The following GRIA4 variants were observed in gnomAD, a reference collection of about 807,000 sequenced individuals.
The protein encoded by GRIA4 is glutamate receptor 4.
A neutral mutation model predicts 104.0 loss-of-function variants in GRIA4; 34 were observed. That is an observed-to-expected ratio of 0.33 (90% CI 0.25 to 0.44). The LOEUF is 0.44. GRIA4 is among the 20% of genes least tolerant of loss of function. The pLI is 1.00. For synonymous variants in GRIA4, 386 were observed against 381.9 expected (o/e 1.01, Z -0.13); for missense variants, 750 against 1,096.5 (o/e 0.68, Z 4.46).
intron 6 of GRIA4, among the ~76,000 whole-genome samples, chr11:105,890,473 T>C (rs1946415655): frequency 1.3e-5 from 2 of 152,230 alleles, no homozygotes; most frequent in Admixed American, 1.3e-4. Flanking sequence ...GGCATTATTT[T>C]AAATTGTCTT....
At chr11:105,971,768 T>G (rs929403812) in intron 14 of GRIA4, 146 bp from the exon 15 acceptor site, 1 of 481,998 alleles carries the variant, frequency 2.1e-6, no homozygotes. Context: ...GTTTTATGTC[T>G]GATTCTAAAC....
In GRIA4 at chr11:105,623,053, GTATATATATATATATATATATA is replaced by G. The variant is rs58596312; in HGVS notation, c.247+10636_247+10657del. Among the ~76,000 whole-genome samples, 768 of 127,730 alleles carry G rather than the reference GTATATATATATATATATATATA, an allele frequency of 6.0e-3. 11 individuals are homozygous for G. Among genetic ancestry groups the G allele is most frequent in the Non-Finnish European group, 0.01 (596 of 58,834 alleles). The allele number at this position is 127,730 out of a possible 152,430, so 83.8% of individuals were successfully genotyped here. On this transcript the variant is annotated intron_variant, in intron 3 of 16. Transcript: ENST00000282499. Reference sequence around the variant, plus strand: ...TTTTATGGCCAAGTAGTATTCCATTGTATATATATATATATATATATATATATATATATATATACCATATTTT... The same window carrying G: ...TTTTATGGCCAAGTAGTATTCCATTGTATATATATATATATACCATATTTT...
chr11:105,685,755 G>T lies in GRIA4; in HGVS notation c.248-67226G>T, dbSNP rs183123950. 2.8e-4 allele frequency among the ~76,000 whole-genome samples: 42 copies of T among 152,238 alleles called. No individual in the cohort carries two copies. The East Asian group carries it at 7.3e-3, about 27-fold the overall frequency. The stretch of plus-strand genomic sequence containing the variant: ...AGATGGAAAAATGCAGGGTATATTA[G>T]CAGGATTATAGGGGAAACATTAACC... On this transcript the variant is annotated intron_variant, in intron 3 of 16. Coordinates refer to ENST00000282499, the MANE Select transcript of GRIA4 (RefSeq NM_000829.4).
chr11:105,866,535 ATG>A (rs71041632), intron 5 of GRIA4, among the ~76,000 whole-genome samples: 5,764 of 104,936 alleles, frequency 0.055, 398 homozygotes, highest in East Asian at 0.26. Context: ...ATATACGCAT[ATG>A]TGTGTGTGTG....
chr11:105,749,073 G>A (rs544004594), intron 3 of GRIA4, among the ~76,000 whole-genome samples: 1 of 152,272 alleles, frequency 6.6e-6, no homozygotes, highest in East Asian at 1.9e-4. Flanking sequence ...AGTGTTCAAG[G>A]ACACTAAGAA....
chr11:105,912,628 TATA>T, intron 10 of GRIA4: 1 of 621,886 alleles, frequency 1.6e-6, no homozygotes, highest in South Asian at 7.3e-5. Context: ...ATCAAAATAG[TATA>T]ATACTAGTAT....
chr11:105,965,628 C>T (rs1858320509), intron 14 of GRIA4, among the ~76,000 whole-genome samples: 1 of 151,894 alleles, frequency 6.6e-6, no homozygotes. Flanking sequence ...GAATTCAAGA[C>T]ACAATTCTTT....
At chr11:105,756,115 T>C (rs1299337881) in intron 4 of GRIA4, among the ~76,000 whole-genome samples, 1 of 152,184 alleles carries the variant, frequency 6.6e-6, no homozygotes, top group African/African-American at 2.4e-5. Context: ...ACTAATAAGA[T>C]GCCTAAAAAC....
chr11:105,781,616 TAAAG>T lies in GRIA4; in HGVS notation c.487+28400_487+28403del, dbSNP rs574403815. Reference sequence around the variant, plus strand: ...TCTATATAGAGTACGTCTTAGTTCTTAAAGAAAAAAATTTACCTCATTGGTATTC... The same window carrying T: ...TCTATATAGAGTACGTCTTAGTTCTTAAAAAAATTTACCTCATTGGTATTC... On this transcript the variant is annotated intron_variant, in intron 4 of 16. Transcript: ENST00000282499. 6.6e-5 allele frequency among the ~76,000 whole-genome samples: 10 copies of T among 152,248 alleles called. No individual in the cohort carries two copies. The South Asian group carries it at 1.5e-3, about 22-fold the overall frequency.
chr11:105,820,261 C>T (rs540117287), intron 4 of GRIA4, among the ~76,000 whole-genome samples: 1 of 152,188 alleles, frequency 6.6e-6, no homozygotes, highest in South Asian at 2.1e-4. Context: ...AAACTCAGGC[C>T]TAGAGAGTAA....
intron 4 of GRIA4, among the ~76,000 whole-genome samples, chr11:105,811,408 C>T (rs1339941167): frequency 1.3e-5 from 2 of 152,048 alleles, no homozygotes; most frequent in African/African-American, 2.4e-5. Flanking sequence ...ATTCTTTTGG[C>T]GTGGCAAGTC....
At chr11:105,735,197 T>C (rs1938856646) in intron 3 of GRIA4, among the ~76,000 whole-genome samples, 1 of 151,712 alleles carries the variant, frequency 6.6e-6, no homozygotes, top group South Asian at 2.1e-4. Context: ...CTTTCCACCA[T>C]GAAATCAGTA....
At chr11:105,761,469 C>T (rs1940646755) in intron 4 of GRIA4, among the ~76,000 whole-genome samples, 2 of 152,010 alleles carry the variant, frequency 1.3e-5, no homozygotes, top group Admixed American at 1.3e-4. Flanking sequence ...AAATATTATC[C>T]TGTATTATTC....
intron 3 of GRIA4, among the ~76,000 whole-genome samples, chr11:105,662,007 T>TTGTGTGTG (rs34715406): frequency 0.46 from 68,569 of 149,758 alleles, 16,313 homozygotes; most frequent in Admixed American, 0.57. Context: ...GTGTGTGTGT[T>TTGTGTGTG]TGTGTGTGTG....
chr11:105,707,286 C>T (rs1953737830), intron 3 of GRIA4: 1 of 153,022 alleles, frequency 6.5e-6, no homozygotes, highest in Non-Finnish European at 1.5e-5. Context: ...GTCATTCTGA[C>T]TAAAGATGAT....
chr11:105,610,870 CTTTTTTTTTTTTTTTT>C, intron 1 of GRIA4, 22 bp from the exon 2 acceptor site: 1 of 356,166 alleles, frequency 2.8e-6, no homozygotes, highest in South Asian at 5.9e-5. Flanking sequence ...TCTTTCTTTT[CTTTTTTTTTTTTTTTT>C]TTTGGTTGAT....
chr11:105,716,357 T>C (rs1327054324), intron 3 of GRIA4, among the ~76,000 whole-genome samples: 1 of 152,198 alleles, frequency 6.6e-6, no homozygotes, highest in Non-Finnish European at 1.5e-5. Flanking sequence ...TTTGATAATG[T>C]ATATAATTCA....
intron 3 of GRIA4, among the ~76,000 whole-genome samples, chr11:105,622,486 G>A (rs1950773004): frequency 6.6e-6 from 1 of 151,650 alleles, no homozygotes; most frequent in Non-Finnish European, 1.5e-5. Context: ...ATCTTCTGAA[G>A]TTCTCCTATT....
chr11:105,649,876 T>C lies in GRIA4; in HGVS notation c.247+37442T>C, dbSNP rs191089883. Among the ~76,000 whole-genome samples the C allele has an allele frequency of 3.0e-3, 460 of 152,170 alleles. 3 individuals carry two copies. Among genetic ancestry groups the C allele is most frequent in the African/African-American group, 0.01 (418 of 41,548 alleles). On this transcript the variant is annotated intron_variant, in intron 3 of 16. Transcript: ENST00000282499. Reference sequence around the variant, plus strand: ...TAATTTCACAACCTAAATGTTCAAATATACAGGAATAATTATTGAAATAAT... The same window carrying C: ...TAATTTCACAACCTAAATGTTCAAACATACAGGAATAATTATTGAAATAAT...
Sources: allele counts gnomAD v4.1 joint callset (sites outside exome capture counted in the v4.1 genomes callset), GRCh38; gene constraint gnomAD v4.1.1; transcripts MANE v1.5; gene names NCBI Gene and HGNC (gene_info 2026-07-23, HGNC 2026-07-21).